Variants in ARHGAP29 observed in about 807,000 individuals in gnomAD.
ARHGAP29 encodes rho GTPase-activating protein 29.
A neutral mutation model predicts 122.6 loss-of-function variants in ARHGAP29; 43 were observed. The ratio of observed to expected loss-of-function variants is 0.35; its 90% CI spans 0.27 to 0.45. The LOEUF (loss-of-function observed/expected upper bound fraction) is 0.45, where lower values mean the gene tolerates loss of function less well. ARHGAP29 is among the 20% of genes least tolerant of loss of function. The probability of loss-of-function intolerance (pLI) is 1.00; values close to 1 mark genes in which losing one functional copy is unlikely to be tolerated. For synonymous variants in ARHGAP29, 506 were observed against 497.1 expected (o/e 1.02, Z -0.24); for missense variants, 1,303 against 1,477.2 (o/e 0.88, Z 1.93).
intron 15 of ARHGAP29, 67 bp from the exon 16 acceptor site, chr1:94,186,664 A>G (rs2101411841): frequency 8.4e-7 from 1 of 1,186,850 alleles, no homozygotes; most frequent in South Asian, 1.3e-5. Context: ...AGGAAATGAC[A>G]ACACTTTTGA....
intron 7 of ARHGAP29, 145 bp from the exon 8 acceptor site, chr1:94,204,139 T>C: frequency 1.9e-6 from 1 of 514,726 alleles, no homozygotes; most frequent in Non-Finnish European, 3.2e-6. Flanking sequence ...AATACTTCTT[T>C]CTTCCTTTTT....
intron 1 of ARHGAP29, among the ~76,000 whole-genome samples, chr1:94,263,740 T>C (rs543019838): frequency 3.2e-4 from 48 of 152,344 alleles, no homozygotes; most frequent in African/African-American, 5.5e-4. Flanking sequence ...TGTGGATATA[T>C]GTAAATTTTT....
intron 1 of ARHGAP29, among the ~76,000 whole-genome samples, chr1:94,264,662 C>A (rs1654695217): frequency 6.6e-6 from 1 of 152,098 alleles, no homozygotes; most frequent in African/African-American, 2.4e-5. Context: ...GGCTCAGTCA[C>A]CTGGTCATCT....
At chr1:94,314,583 C>T in the ARHGAP29 span, among the ~76,000 whole-genome samples, 9 of 152,316 alleles carry the variant, frequency 5.9e-5, no homozygotes, top group South Asian at 1.7e-3. Context: ...CTCAGACAGA[C>T]CCCTTTGCTG....
At chr1:94,258,689 CT>C (rs1302797664) in intron 1 of ARHGAP29, among the ~76,000 whole-genome samples, 1 of 152,214 alleles carries the variant, frequency 6.6e-6, no homozygotes, top group Non-Finnish European at 1.5e-5. Flanking sequence ...ATGATTATAA[CT>C]AGCGCTTCCT....
Position 94,205,149 on chromosome 1 carries a change from G to C in ARHGAP29, c.609C>G (p.Asp203Glu), listed in dbSNP as rs766352013. ...CATATGACAAAGCCAGCTCGATAGA[G>C]TCAGTGTTCTTTAACAGCACGTTGT... ...ELDNVLLKNT[D>E]SIELALSYAK... Residue 203 changes from aspartate to glutamate, a missense_variant, in exon 7 of 23, where the codon GAC (aspartate) becomes GAG (glutamate). This residue lies in a region of ARHGAP29 where 592 missense variants were observed against 648.2 expected (regional missense o/e 0.91). Coordinates refer to ENST00000260526, the MANE Select transcript of ARHGAP29 (RefSeq NM_004815.4). The C allele has an allele frequency of 6.2e-7, 1 of 1,608,062 alleles. No individual in the cohort carries two copies. Among genetic ancestry groups the C allele is most frequent in the South Asian group, 1.1e-5 (1 of 89,688 alleles).
chr1:94,293,463 T>G, the ARHGAP29 span, among the ~76,000 whole-genome samples: 1 of 152,204 alleles, frequency 6.6e-6, no homozygotes, highest in Non-Finnish European at 1.5e-5. Context: ...CTGTCCTGCT[T>G]CAGCTCACCC....
intron 12 of ARHGAP29, chr1:94,193,209 A>G (rs1172233796): frequency 3.9e-5 from 6 of 152,116 alleles, no homozygotes; most frequent in Admixed American, 1.3e-4. Context: ...CCAAAGGAAA[A>G]GAGACTGTGA....
intron 5 of ARHGAP29, 37 bp downstream of exon 5, chr1:94,208,795 A>T: frequency 6.3e-7 from 1 of 1,594,084 alleles, no homozygotes; most frequent in Non-Finnish European, 8.6e-7. Context: ...GAAGTTAAAA[A>T]CATTAAAGAC....
intron 5 of ARHGAP29, among the ~76,000 whole-genome samples, chr1:94,206,161 C>T (rs1007902672): frequency 6.6e-6 from 1 of 152,004 alleles, no homozygotes; most frequent in African/African-American, 2.4e-5. Context: ...TCTGTACTGT[C>T]CAATAAAGTA....
the ARHGAP29 span, among the ~76,000 whole-genome samples, chr1:94,312,514 C>A: frequency 6.6e-6 from 1 of 151,704 alleles, no homozygotes; most frequent in South Asian, 2.1e-4. Context: ...TCACTGCAAC[C>A]TCTGCCTCCC....
intron 3 of ARHGAP29, among the ~76,000 whole-genome samples, chr1:94,211,666 A>T (rs1183039175): frequency 6.6e-6 from 1 of 152,246 alleles, no homozygotes; most frequent in Admixed American, 6.5e-5. Context: ...TTGTGACAAC[A>T]TGAAATTAAA....
At position 94,179,778 on chromosome 1, in the gene ARHGAP29, T is replaced by C. The variant is rs1649335758; in HGVS notation, c.2427A>G (p.Gln809=). 3 of 1,613,554 alleles carry C rather than the reference T, an allele frequency of 1.9e-6. No individual in the cohort carries two copies. The highest frequency in any genetic ancestry group is 2.5e-6 in the Non-Finnish European group (3 of 1,179,750). ...ILLKSKDLLR[Q]LPASNFNSLH... Reference sequence around the variant, plus strand: ...GACTGTTAAAATTTGATGCTGGCAATTGTCTTAGAAGGTCTTTGCTTTTTA... The same window carrying C: ...GACTGTTAAAATTTGATGCTGGCAACTGTCTTAGAAGGTCTTTGCTTTTTA... Residue 809 remains glutamine, a synonymous_variant, in exon 20 of 23, where the codon CAA becomes CAG. Coordinates refer to ENST00000260526, the MANE Select transcript of ARHGAP29 (RefSeq NM_004815.4).
At chr1:94,257,863 G>C (rs1205742516) in intron 1 of ARHGAP29, among the ~76,000 whole-genome samples, 4 of 152,130 alleles carry the variant, frequency 2.6e-5, no homozygotes, top group Non-Finnish European at 4.4e-5. Flanking sequence ...GGTAGTCTGT[G>C]CCCTATTGGA....
chr1:94,170,547 T>C lies in ARHGAP29; in HGVS notation c.*3322A>G, dbSNP rs1476064334. 1.3e-5 allele frequency among the ~76,000 whole-genome samples: 2 copies of C among 152,208 alleles called. No homozygotes were observed. The highest frequency in any genetic ancestry group is 1.5e-5 in the Non-Finnish European group (1 of 68,044). On this transcript the variant is annotated 3_prime_UTR_variant, in exon 23 of 23. Transcript: ENST00000260526. The stretch of plus-strand genomic sequence containing the variant: ...AAATCAGCAGATTGAATGTGGTCTA[T>C]GGATTAGATATCATGATGTCAATGT...
At chr1:94,208,927 G>C in intron 4 of ARHGAP29, 23 bp from the exon 5 acceptor site, 1 of 1,595,668 alleles carries the variant, frequency 6.3e-7, no homozygotes, top group Non-Finnish European at 8.6e-7. Context: ...GTTAAAAAAA[G>C]AAAGACAAGT....
At chr1:94,257,198 T>G (rs879650832) in intron 1 of ARHGAP29, among the ~76,000 whole-genome samples, 1 of 151,678 alleles carries the variant, frequency 6.6e-6, no homozygotes, top group Admixed American at 6.6e-5. Context: ...GGGCAGGAGA[T>G]GGAGATTATC....
At chr1:94,247,394 C>A (rs1408438240) in intron 1 of ARHGAP29, among the ~76,000 whole-genome samples, 2 of 151,846 alleles carry the variant, frequency 1.3e-5, no homozygotes, top group Admixed American at 6.6e-5. Flanking sequence ...GGGTCCGCGG[C>A]GTACCGGCAG....
chr1:94,260,121 C>T (rs1207100956), intron 1 of ARHGAP29, among the ~76,000 whole-genome samples: 6 of 152,314 alleles, frequency 3.9e-5, no homozygotes, highest in East Asian at 3.9e-4. Context: ...CCATTTGCCA[C>T]GTCATCACAA....
Sources: gnomAD v4.1 joint callset for allele counts (sites outside exome capture counted in the v4.1 genomes callset) on GRCh38, gnomAD v4.1.1 for gene constraint, gnomAD v4.1.1 regional missense constraint, MANE v1.5 for transcripts, NCBI Gene and HGNC (gene_info 2026-07-23, HGNC 2026-07-21) for gene names.